Variants in AGTPBP1 observed in about 807,000 individuals in gnomAD.
The protein encoded by AGTPBP1 is ATP/GTP binding carboxypeptidase 1.
AGTPBP1 carries 70 observed loss-of-function variants against 143.9 expected under a neutral mutation model. That is an observed-to-expected ratio of 0.49 (90% confidence interval 0.40 to 0.59). The LOEUF (loss-of-function observed/expected upper bound fraction) is 0.59. Among genes scored for constraint, AGTPBP1 ranks in the 20% least tolerant of loss-of-function variants. AGTPBP1 has a pLI of 0.00. For missense variants in AGTPBP1, 1,229 were observed against 1,464.5 expected (o/e 0.84, Z 2.62); for synonymous variants, 463 against 500.2 (o/e 0.93, Z 0.99).
rs1218531499 is a variant in AGTPBP1, at chr9:85,633,138, T to C, written c.1539A>G (p.Pro513=). The C allele has an allele frequency of 6.2e-7, 1 of 1,614,060 alleles. No individual in the cohort carries two copies. Among genetic ancestry groups the C allele is most frequent in the African/African-American group, 1.3e-5 (1 of 75,046 alleles). The stretch of plus-strand genomic sequence containing the variant: ...ATGAAATAGTTCTATTTTGATCACC[T>C]GGCTGCTGTTGTAATGTTCTATCAT... ...KDNDRTLQQQ[P]GDQNRTISSV... The change falls in exon 14 of 26, where the codon CCA becomes CCG. Residue 513 remains proline (P), a synonymous_variant. Transcript: ENST00000357081.
intron 1 of AGTPBP1, among the ~76,000 whole-genome samples, chr9:85,715,970 T>C (rs1347082904): frequency 5.9e-5 from 9 of 152,210 alleles, no homozygotes; most frequent in African/African-American, 1.9e-4. Context: ...GATATTTCTG[T>C]GTCTTAGGAA....
chr9:85,720,972 A>G (rs370083539), intron 1 of AGTPBP1, among the ~76,000 whole-genome samples: 2 of 152,200 alleles, frequency 1.3e-5, no homozygotes, highest in East Asian at 3.9e-4. Flanking sequence ...GTAGTTGTGC[A>G]GTTTTGAGTG....
rs78449238 is a variant in AGTPBP1 at position 85,627,096 on chromosome 9, G to A, written c.2015+5566C>T. ...AGAGAAACAGAGAGGTGAATCAAAAGAATTATGAAACAATACTTAGCTGTA... is the reference window on the plus strand; with the variant it reads ...AGAGAAACAGAGAGGTGAATCAAAAAAATTATGAAACAATACTTAGCTGTA... On this transcript the variant is annotated intron_variant, in intron 14 of 25. Transcript: ENST00000357081. 3.2e-4 allele frequency among the ~76,000 whole-genome samples: 48 copies of A among 152,188 alleles called. No homozygotes were observed. The East Asian group carries it at 7.9e-3, about 25-fold the overall frequency.
At chr9:85,617,591 T>C (rs560682028) in intron 17 of AGTPBP1, among the ~76,000 whole-genome samples, 1 of 152,274 alleles carries the variant, frequency 6.6e-6, no homozygotes, top group East Asian at 1.9e-4. Context: ...CCTATATTTT[T>C]AAGATTTTTG....
chr9:85,574,374 C>G lies in AGTPBP1; in HGVS notation c.3503+941G>C, dbSNP rs954060503. On this transcript the variant is annotated intron_variant, in intron 25 of 25. Transcript: ENST00000357081. ...CCTCTGCCTAGGAAAACCAGAAACC[C>G]TTGTTCACTTGTTTATCTGCTGACC... Among the ~76,000 whole-genome samples the G allele has an allele frequency of 3.3e-5, 5 of 151,784 alleles. No individual in the cohort carries two copies. In the South Asian group the frequency reaches 1.0e-3, roughly 31 times the overall value.
At chr9:85,764,161 C>CA in the AGTPBP1 span, among the ~76,000 whole-genome samples, 1 of 149,652 alleles carries the variant, frequency 6.7e-6, no homozygotes, top group East Asian at 1.9e-4. Context: ...CTAGTCAAGG[C>CA]AATTCTTGGC....
chr9:85,742,831 G>A (rs1824457794), upstream of AGTPBP1, among the ~76,000 whole-genome samples: 2 of 152,156 alleles, frequency 1.3e-5, no homozygotes, highest in Non-Finnish European at 2.9e-5. Context: ...ACAAGAACAT[G>A]TTTGCTACTG....
At chr9:85,606,392 G>GAA (rs34239208) in intron 17 of AGTPBP1, among the ~76,000 whole-genome samples, 2 of 129,300 alleles carry the variant, frequency 1.5e-5, no homozygotes, top group Non-Finnish European at 1.7e-5. Flanking sequence ...ATTAAAAAGA[G>GAA]AAAAAAAAAA....
intron 23 of AGTPBP1, among the ~76,000 whole-genome samples, chr9:85,585,190 T>A (rs1828528231): frequency 6.6e-6 from 1 of 152,158 alleles, no homozygotes; most frequent in Non-Finnish European, 1.5e-5. Flanking sequence ...ACAGATGGCA[T>A]CATCAAATTG....
At chr9:85,717,891 A>G (rs1463092280) in intron 1 of AGTPBP1, among the ~76,000 whole-genome samples, 4 of 148,668 alleles carry the variant, frequency 2.7e-5, no homozygotes, top group Admixed American at 1.3e-4. Context: ...ATGTGTTCTC[A>G]TTGTTCAACT....
rs528294958 is a variant in AGTPBP1 at position 85,566,674 on chromosome 9, T to C, written c.3503+8641A>G. Among the ~76,000 whole-genome samples the C allele has an allele frequency of 4.0e-5, 6 of 151,700 alleles. No homozygotes were observed. In the South Asian group the frequency reaches 1.2e-3, roughly 32 times the overall value. On this transcript the variant is annotated intron_variant, in intron 25 of 25. Transcript: ENST00000357081. ...CACATATGCATATAGAAATAAGATA[T>C]ATATCTCCTTGGACCGGAAAAAGAA...
chr9:85,667,447 A>G (rs557387804), intron 8 of AGTPBP1, among the ~76,000 whole-genome samples: 5 of 152,252 alleles, frequency 3.3e-5, no homozygotes, highest in East Asian at 1.9e-4. Context: ...ATAAAACTAG[A>G]TAAGTTATTA....
At chr9:85,646,809 G>A (rs778187508) in intron 11 of AGTPBP1, among the ~76,000 whole-genome samples, 1 of 152,018 alleles carries the variant, frequency 6.6e-6, no homozygotes, top group Non-Finnish European at 1.5e-5. Context: ...TATATGCTGG[G>A]AATTTTTTCA....
In AGTPBP1 at chr9:85,630,461, C is replaced by CGATTGATT. The variant is rs71372435; in HGVS notation, c.2015+2193_2015+2200dup. 7.0e-4 allele frequency among the ~76,000 whole-genome samples: 105 copies of CGATTGATT among 148,966 alleles called. 1 individual carries two copies. The highest frequency in any genetic ancestry group is 3.4e-3 in the Middle Eastern group (1 of 292). On this transcript the variant is annotated intron_variant, in intron 14 of 25. Transcript: ENST00000357081. ...TCACCCAGGCTGGAGTGCAGTGGCA[C>CGATTGATT]GATTGATTGATTGATTGATTGATTG...
intron 17 of AGTPBP1, among the ~76,000 whole-genome samples, chr9:85,600,994 T>C (rs7861743): frequency 0.093 from 14,160 of 152,230 alleles, 1,318 homozygotes; most frequent in East Asian, 0.51. Flanking sequence ...TGCTGATTGC[T>C]GTCACTGGGG....
At chr9:85,728,198 A>C (rs1838645827) in intron 1 of AGTPBP1, among the ~76,000 whole-genome samples, 1 of 152,108 alleles carries the variant, frequency 6.6e-6, no homozygotes, top group East Asian at 1.9e-4. Context: ...GCAAATCTCA[A>C]GTCTTGCTGA....
chr9:85,728,271 G>A (rs1838651991), intron 1 of AGTPBP1, among the ~76,000 whole-genome samples: 1 of 152,054 alleles, frequency 6.6e-6, no homozygotes, highest in African/African-American at 2.4e-5. Context: ...TCAAATAAAT[G>A]TAAGACTGAG....
At chr9:85,722,494 T>C (rs1015867200) in intron 1 of AGTPBP1, among the ~76,000 whole-genome samples, 3 of 152,220 alleles carry the variant, frequency 2.0e-5, no homozygotes, top group Admixed American at 1.3e-4. Flanking sequence ...CGTCACGAGG[T>C]TCTCGTGCTG....
intron 25 of AGTPBP1, among the ~76,000 whole-genome samples, chr9:85,553,550 T>C (rs1261914306): frequency 6.6e-6 from 1 of 152,226 alleles, no homozygotes; most frequent in Non-Finnish European, 1.5e-5. Context: ...CAGCTTATGA[T>C]GGGTTTATCG....
Sources: gnomAD v4.1 joint callset for allele counts (sites outside exome capture counted in the v4.1 genomes callset) on GRCh38, gnomAD v4.1.1 for gene constraint, MANE v1.5 for transcripts, NCBI Gene and HGNC (gene_info 2026-07-23, HGNC 2026-07-21) for gene names.